Variants in SPAG16 observed in about 807,000 individuals in gnomAD.
SPAG16 encodes the protein sperm associated antigen 16.
SPAG16 carries 86 observed loss-of-function variants against 80.4 expected under a neutral mutation model. The observed-to-expected ratio is 1.07, with a 90% CI of 0.90 to 1.28. SPAG16 has a LOEUF of 1.28. SPAG16 is among the 50% of genes most tolerant of loss of function. The pLI is 0.00. For missense variants in SPAG16, 870 were observed against 765.3 expected (o/e 1.14, Z -1.61); for synonymous variants, 294 against 265.9 (o/e 1.11, Z -1.03).
chr2:213,296,757 A>G (rs932171188), intron 2 of SPAG16, among the ~76,000 whole-genome samples: 1 of 152,208 alleles, frequency 6.6e-6, no homozygotes, highest in Non-Finnish European at 1.5e-5. Flanking sequence ...TGAGTTAATA[A>G]ATGTAAAAGG....
intron 9 of SPAG16, among the ~76,000 whole-genome samples, chr2:213,394,865 G>T (rs2067954645): frequency 6.6e-6 from 1 of 152,006 alleles, no homozygotes; most frequent in South Asian, 2.1e-4. Context: ...GGATTTTTTG[G>T]ATGGGAGCTT....
chr2:214,295,224 T>G (rs1315195726), intron 15 of SPAG16, among the ~76,000 whole-genome samples: 1 of 152,202 alleles, frequency 6.6e-6, no homozygotes, highest in Non-Finnish European at 1.5e-5. Flanking sequence ...CAAAAGTGGG[T>G]GGGGCATTAT....
At chr2:213,736,513 C>T (rs2067289053) in intron 10 of SPAG16, among the ~76,000 whole-genome samples, 1 of 152,044 alleles carries the variant, frequency 6.6e-6, no homozygotes, top group African/African-American at 2.4e-5. Flanking sequence ...GTCTCAAACT[C>T]CTGACCTCAG....
chr2:214,305,641 A>G (rs546839469), intron 15 of SPAG16, among the ~76,000 whole-genome samples: 1 of 152,132 alleles, frequency 6.6e-6, no homozygotes, highest in South Asian at 2.1e-4. Context: ...CCTTTTCCTT[A>G]TTGCTTGTTT....
chr2:213,466,559 A>C (rs1403606896), intron 9 of SPAG16, among the ~76,000 whole-genome samples: 2 of 152,122 alleles, frequency 1.3e-5, no homozygotes, highest in Non-Finnish European at 2.9e-5. Flanking sequence ...GAGGAGGGGA[A>C]AGTAGGAGAT....
chr2:213,293,748 CTACAA>C (rs2062388959), intron 1 of SPAG16, among the ~76,000 whole-genome samples: 1 of 152,200 alleles, frequency 6.6e-6, no homozygotes, highest in African/African-American at 2.4e-5. Context: ...CCCAGAGAAA[CTACAA>C]TATAATAAAT....
In SPAG16 at chr2:213,493,052, G is replaced by A. The variant is rs559356240; in HGVS notation, c.1070+2962G>A. Among the ~76,000 whole-genome samples the A allele has an allele frequency of 2.0e-5, 3 of 151,998 alleles. No individual in the cohort carries two copies. The East Asian group carries it at 5.8e-4, about 29-fold the overall frequency. Reference sequence around the variant, plus strand: ...TTGTGTCAGATCTGGTTAACCCAAAGGCAAACTACAAAATAGTGAATAAGC... The same window carrying A: ...TTGTGTCAGATCTGGTTAACCCAAAAGCAAACTACAAAATAGTGAATAAGC... On this transcript the variant is annotated intron_variant, in intron 10 of 15. Transcript: ENST00000331683.
chr2:214,310,252 T>C (rs1167951485), intron 15 of SPAG16, among the ~76,000 whole-genome samples: 1 of 152,094 alleles, frequency 6.6e-6, no homozygotes, highest in Non-Finnish European at 1.5e-5. Flanking sequence ...AGTACATATT[T>C]TGTATGATCA....
chr2:214,314,964 A>AG (rs2125984479), intron 15 of SPAG16, among the ~76,000 whole-genome samples: 1 of 152,188 alleles, frequency 6.6e-6, no homozygotes, highest in South Asian at 2.1e-4. Flanking sequence ...TGTATTAAAA[A>AG]AAAAAAAGAA....
intron 10 of SPAG16, among the ~76,000 whole-genome samples, chr2:213,522,458 G>T (rs2075713904): frequency 6.6e-6 from 1 of 152,192 alleles, no homozygotes; most frequent in African/African-American, 2.4e-5. Context: ...AGAGGGAAAA[G>T]TGGACAAAGC....
Position 213,647,870 on chromosome 2 carries a change from C to T in SPAG16, c.1070+157780C>T, listed in dbSNP as rs146953662. Among the ~76,000 whole-genome samples the T allele has an allele frequency of 2.0e-4, 30 of 152,264 alleles. No homozygotes were observed. In the East Asian group the frequency reaches 5.8e-3, roughly 29 times the overall value. On this transcript the variant is annotated intron_variant, in intron 10 of 15. Transcript: ENST00000331683. ...CAGGACTAAACGAGACTTGAAGGCT[C>T]AGTTGCCTCCTTCAATTCATTGGCT...
At chr2:213,756,935 G>A (rs370228826) in intron 10 of SPAG16, among the ~76,000 whole-genome samples, 60 of 152,258 alleles carry the variant, frequency 3.9e-4, no homozygotes, top group African/African-American at 1.4e-3. Context: ...TTATGGTGTT[G>A]TCTTTATAGA....
intron 6 of SPAG16, among the ~76,000 whole-genome samples, chr2:213,349,354 A>G (rs1459366304): frequency 6.6e-6 from 1 of 152,196 alleles, no homozygotes; most frequent in Non-Finnish European, 1.5e-5. Context: ...ATGGACAAAC[A>G]AAAAATCAAC....
chr2:214,152,553 G>A (rs1011232791), intron 15 of SPAG16, among the ~76,000 whole-genome samples: 21 of 152,106 alleles, frequency 1.4e-4, no homozygotes, highest in Admixed American at 1.1e-3. Context: ...CCACAAGGTC[G>A]GTGGGTCTCT....
intron 11 of SPAG16, among the ~76,000 whole-genome samples, chr2:213,875,785 T>C (rs1444666739): frequency 2.0e-5 from 3 of 152,174 alleles, no homozygotes; most frequent in Non-Finnish European, 2.9e-5. Flanking sequence ...TAAATAAAAA[T>C]GATCTGGTGT....
At chr2:213,703,841 C>CAGAT (rs1252238129) in intron 10 of SPAG16, among the ~76,000 whole-genome samples, 16 of 152,364 alleles carry the variant, frequency 1.1e-4, no homozygotes, top group East Asian at 3.9e-4. Flanking sequence ...GATACGTTGT[C>CAGAT]AGATCTGCAT....
chr2:213,397,367 C>T (rs566884852), intron 9 of SPAG16, among the ~76,000 whole-genome samples: 3 of 152,084 alleles, frequency 2.0e-5, no homozygotes. Context: ...GATAAGTGTC[C>T]CCTTTGCTTC....
intron 1 of SPAG16, among the ~76,000 whole-genome samples, chr2:213,291,931 T>C (rs1014246256): frequency 6.6e-6 from 1 of 152,238 alleles, no homozygotes; most frequent in African/African-American, 2.4e-5. Flanking sequence ...ACTTTTAAGC[T>C]TTATAAAATG....
At position 213,833,511 on chromosome 2, in the gene SPAG16, TAATATA is replaced by T. The variant is rs2073857657; in HGVS notation, c.1071-28973_1071-28968del. ...TTATATATAATATATATATTATATA[TAATATA>T]TATAATATATATATTATATATAATA... On this transcript the variant is annotated intron_variant, in intron 10 of 15. Transcript: ENST00000331683. 6.6e-4 allele frequency among the ~76,000 whole-genome samples: 2 copies of T among 3,014 alleles called. 1 individual carries two copies. The highest frequency in any genetic ancestry group is 1.8e-3 in the Non-Finnish European group (2 of 1,106). The allele number at this position is 3,014 out of a possible 152,430, so 2.0% of individuals were successfully genotyped here. A position where few individuals can be genotyped will look rare whatever the true frequency, so the allele number is the denominator to read the frequency against.
Sources: allele counts gnomAD v4.1 joint callset (sites outside exome capture counted in the v4.1 genomes callset), GRCh38; gene constraint gnomAD v4.1.1; transcripts MANE v1.5; gene names NCBI Gene and HGNC (gene_info 2026-07-23, HGNC 2026-07-21).